Variants in CAST observed in about 807,000 individuals in gnomAD.
The protein encoded by CAST is calpastatin, also known as MIR583 host.
CAST carries 76 observed loss-of-function variants against 119.6 expected under a neutral mutation model. The observed-to-expected ratio is 0.64, with a 90% CI of 0.53 to 0.77. CAST has a LOEUF of 0.77. Among genes scored for constraint, CAST ranks in the 30% least tolerant of loss-of-function variants. The pLI, the probability that CAST is intolerant of heterozygous loss-of-function variation, is 0.00. For synonymous variants in CAST, 319 were observed against 331.6 expected, an observed-to-expected ratio of 0.96 and a Z score of 0.41; for missense variants, 953 against 946.5, an observed-to-expected ratio of 1.01 and a Z score of -0.09.
At chr5:96,529,820 T>C, upstream of CAST, 1 of 439,510 alleles carries the variant, frequency 2.3e-6, no homozygotes, top group South Asian at 1.6e-5. Flanking sequence ...CGCCACCCTG[T>C]GGAGAGGTGC....
intron 1 of CAST, among the ~76,000 whole-genome samples, chr5:96,611,136 A>G (rs1199156574): frequency 6.6e-6 from 1 of 152,220 alleles, no homozygotes; most frequent in Non-Finnish European, 1.5e-5. Flanking sequence ...TTTTCATGGA[A>G]TTAGAAAAAA....
At chr5:96,442,973 C>G in the CAST span, among the ~76,000 whole-genome samples, 2 of 151,890 alleles carry the variant, frequency 1.3e-5, no homozygotes, top group African/African-American at 4.8e-5. Flanking sequence ...TCTCCTTCTT[C>G]TTTTTGTAAC....
At chr5:96,062,755 C>T in the CAST span, among the ~76,000 whole-genome samples, 4 of 152,038 alleles carry the variant, frequency 2.6e-5, no homozygotes, top group Admixed American at 6.6e-5. Flanking sequence ...GTGGCTCACT[C>T]GGGAGTTTCT....
chr5:96,099,372 G>A, the CAST span, among the ~76,000 whole-genome samples: 1 of 152,140 alleles, frequency 6.6e-6, no homozygotes, highest in South Asian at 2.1e-4. Context: ...TTGAATAAGA[G>A]TGGTGAGAGA....
At chr5:96,695,205 T>C (rs952012292) in intron 2 of CAST, among the ~76,000 whole-genome samples, 5 of 152,238 alleles carry the variant, frequency 3.3e-5, no homozygotes, top group African/African-American at 9.6e-5. Context: ...TATTGGTTTA[T>C]CTTGTTACTC....
the CAST span, among the ~76,000 whole-genome samples, chr5:96,099,545 A>T: frequency 5.3e-5 from 8 of 152,182 alleles, no homozygotes; most frequent in Non-Finnish European, 1.2e-4. Flanking sequence ...TGGATGCTGA[A>T]CTTTATCAAA....
chr5:96,509,217 G>A, the CAST span, among the ~76,000 whole-genome samples: 23,597 of 152,174 alleles, frequency 0.16, 2,179 homozygotes, highest in Non-Finnish European at 0.21. Context: ...AACAGACCCA[G>A]TAAATAGCCA....
chr5:96,342,613 A>T, the CAST span, among the ~76,000 whole-genome samples: 2 of 152,216 alleles, frequency 1.3e-5, no homozygotes, highest in African/African-American at 4.8e-5. Flanking sequence ...CTAATTATAA[A>T]ATGGAAAGGC....
At chr5:96,467,647 G>T in the CAST span, among the ~76,000 whole-genome samples, 1 of 151,746 alleles carries the variant, frequency 6.6e-6, no homozygotes, top group Non-Finnish European at 1.5e-5. Flanking sequence ...GTCCTCCTTG[G>T]TAATACGTGA....
At chr5:96,752,108 T>C (rs1765193015) in intron 20 of CAST, among the ~76,000 whole-genome samples, 1 of 152,168 alleles carries the variant, frequency 6.6e-6, no homozygotes, top group African/African-American at 2.4e-5. Context: ...AGGAGATGAA[T>C]GCGTTCCCTA....
intron 1 of CAST, among the ~76,000 whole-genome samples, chr5:96,544,079 G>A (rs1745962270): frequency 6.6e-6 from 1 of 152,134 alleles, no homozygotes; most frequent in Non-Finnish European, 1.5e-5. Flanking sequence ...TTTAGAATTA[G>A]TGTGTCAATA....
At chr5:95,972,756 T>A in the CAST span, among the ~76,000 whole-genome samples, 1 of 152,218 alleles carries the variant, frequency 6.6e-6, no homozygotes, top group Non-Finnish European at 1.5e-5. Context: ...GATAGTGCTT[T>A]TGGTGTTATA....
the CAST span, among the ~76,000 whole-genome samples, chr5:96,150,893 C>T: frequency 2.2e-3 from 328 of 152,292 alleles, no homozygotes; most frequent in African/African-American, 7.5e-3. Context: ...CCCCAGATTA[C>T]AGTGACATCT....
At chr5:96,261,042 A>T in the CAST span, among the ~76,000 whole-genome samples, 3 of 152,210 alleles carry the variant, frequency 2.0e-5, no homozygotes, top group African/African-American at 4.8e-5. Flanking sequence ...ATTCCTGAGC[A>T]TCTTCTCTCT....
the CAST span, among the ~76,000 whole-genome samples, chr5:96,069,623 C>A: frequency 2.8e-4 from 41 of 149,010 alleles, no homozygotes; most frequent in African/African-American, 9.9e-4. Context: ...ACTAGCCCTA[C>A]AGGTGTGTGC....
At chr5:96,087,763 A>G in the CAST span, among the ~76,000 whole-genome samples, 2 of 152,360 alleles carry the variant, frequency 1.3e-5, no homozygotes, top group East Asian at 1.9e-4. Context: ...ATGGCAAATC[A>G]GGTTAACTTT....
At chr5:96,698,095 C>T (rs1020284700) in intron 3 of CAST, among the ~76,000 whole-genome samples, 1 of 152,202 alleles carries the variant, frequency 6.6e-6, no homozygotes, top group Non-Finnish European at 1.5e-5. Context: ...TAAATGTTCC[C>T]ACACTTGCTA....
chr5:96,179,437 AC>A, the CAST span, among the ~76,000 whole-genome samples: 1 of 152,238 alleles, frequency 6.6e-6, no homozygotes, highest in Admixed American at 6.5e-5. Context: ...CCTCTTCCTG[AC>A]CCTCATCACA....
the CAST span, among the ~76,000 whole-genome samples, chr5:96,063,229 C>G: frequency 6.6e-6 from 1 of 152,272 alleles, no homozygotes; most frequent in Non-Finnish European, 1.5e-5. Flanking sequence ...TAGTTCTCAG[C>G]TGAATCTCTG....
Sources: allele counts gnomAD v4.1 joint callset (sites outside exome capture counted in the v4.1 genomes callset), GRCh38; gene constraint gnomAD v4.1.1; transcripts MANE v1.5; gene names NCBI Gene and HGNC (gene_info 2026-07-23, HGNC 2026-07-21).